Variants in CUBN observed in about 807,000 individuals in gnomAD.
CUBN encodes the protein 460 kDa receptor.
Under a neutral mutation model 405.3 loss-of-function variants are expected in CUBN, and 282 were observed. That is an observed-to-expected ratio of 0.70 (90% CI 0.63 to 0.77). The LOEUF (loss-of-function observed/expected upper bound fraction) is 0.77, where lower values mean the gene tolerates loss of function less well. CUBN is among the 30% of genes least tolerant of loss of function. The pLI is 0.00. For missense variants in CUBN, 4,514 were observed against 4,475.2 expected (o/e 1.01, Z -0.25); for synonymous variants, 1,684 against 1,617.0 (o/e 1.04, Z -0.99).
chr10:16,831,100 T>A (rs957200638), intron 65 of CUBN, 152 bp downstream of exon 65: 5 of 713,200 alleles, frequency 7.0e-6, no homozygotes, highest in Non-Finnish European at 7.1e-6. Flanking sequence ...AAAAAAAAAG[T>A]AATCTGTACT....
chr10:17,030,423 T>C (rs1280665722), intron 27 of CUBN, among the ~76,000 whole-genome samples: 1 of 152,146 alleles, frequency 6.6e-6, no homozygotes, highest in African/African-American at 2.4e-5. Flanking sequence ...ATAGATAATA[T>C]GTATTAGCAC....
At chr10:17,115,660 A>C in intron 6 of CUBN, 63 bp from the exon 7 acceptor site, 1 of 1,556,872 alleles carries the variant, frequency 6.4e-7, no homozygotes, top group Middle Eastern at 1.7e-4. Flanking sequence ...CTGTCTCTTA[A>C]TATCAATGAG....
chr10:17,018,716 CCATTTTACAGAGCACTGATTCATA>C (rs949354677), intron 28 of CUBN, among the ~76,000 whole-genome samples: 5 of 152,056 alleles, frequency 3.3e-5, no homozygotes, highest in Non-Finnish European at 5.9e-5. Context: ...ACTGATTGGT[CCATTTTACAGAGCACTGATTCATA>C]CATTTTACAG....
At chr10:16,869,216 A>G (rs1840277457) in intron 59 of CUBN, among the ~76,000 whole-genome samples, 1 of 139,934 alleles carries the variant, frequency 7.1e-6, no homozygotes, top group African/African-American at 2.7e-5. Context: ...CCCAGGCTAG[A>G]GTGCAATGGT....
At chr10:17,021,336 T>C (rs1414347498) in intron 27 of CUBN, among the ~76,000 whole-genome samples, 1 of 152,224 alleles carries the variant, frequency 6.6e-6, no homozygotes, top group Non-Finnish European at 1.5e-5. Flanking sequence ...CTCTCTACTA[T>C]ATCTCTTCAC....
chr10:16,901,529 T>C (rs1288535911), intron 51 of CUBN, 70 bp from the exon 52 acceptor site: 6 of 1,578,540 alleles, frequency 3.8e-6, no homozygotes, highest in Non-Finnish European at 5.2e-6. Context: ...CCAAAGTAAG[T>C]AGTAATCATA....
At chr10:17,109,254 G>A (rs750728238) in intron 10 of CUBN, among the ~76,000 whole-genome samples, 21 of 152,080 alleles carry the variant, frequency 1.4e-4, no homozygotes, top group Admixed American at 2.6e-4. Context: ...GCTGGACTCA[G>A]GATGCCTGAA....
chr10:17,099,656 C>G (rs1307676397), intron 14 of CUBN, among the ~76,000 whole-genome samples: 1 of 152,084 alleles, frequency 6.6e-6, no homozygotes, highest in Non-Finnish European at 1.5e-5. Flanking sequence ...TGAGACCAGC[C>G]TGGGCAACAT....
intron 26 of CUBN, 78 bp downstream of exon 26, chr10:17,043,749 A>AGTATTCACACTTACTCTGCTG: frequency 1.3e-6 from 2 of 1,586,592 alleles, no homozygotes; most frequent in Non-Finnish European, 8.6e-7. Context: ...TTACTCTGCC[A>AGTATTCACACTTACTCTGCTG]GTATTCACAC....
intron 10 of CUBN, among the ~76,000 whole-genome samples, chr10:17,108,322 A>C (rs1027925764): frequency 6.6e-6 from 1 of 152,130 alleles, no homozygotes; most frequent in Non-Finnish European, 1.5e-5. Flanking sequence ...TCTAGAAATC[A>C]TGCTCCTAAC....
chr10:16,994,510 A>G (rs1396352597), intron 28 of CUBN, among the ~76,000 whole-genome samples: 1 of 152,204 alleles, frequency 6.6e-6, no homozygotes, highest in African/African-American at 2.4e-5. Flanking sequence ...GCGACTCTGG[A>G]TGCATGACAA....
chr10:17,085,827 T>G, intron 15 of CUBN, 68 bp from the exon 16 acceptor site: 1 of 1,360,282 alleles, frequency 7.4e-7, no homozygotes. Context: ...TCACTTTGGA[T>G]ATTAACTTCA....
chr10:16,867,605 G>A (rs189698764), intron 59 of CUBN, among the ~76,000 whole-genome samples: 1 of 152,302 alleles, frequency 6.6e-6, no homozygotes, highest in Non-Finnish European at 1.5e-5. Flanking sequence ...ATGAAAAAGA[G>A]GTAAAAATCA....
At chr10:16,969,287 T>C (rs1412114470) in intron 31 of CUBN, among the ~76,000 whole-genome samples, 1 of 152,138 alleles carries the variant, frequency 6.6e-6, no homozygotes, top group Middle Eastern at 3.2e-3. Context: ...ATCAAAAACA[T>C]TGGTGCTTTG....
At chr10:17,067,470 C>G (rs960411616) in intron 21 of CUBN, among the ~76,000 whole-genome samples, 5 of 151,938 alleles carry the variant, frequency 3.3e-5, no homozygotes, top group African/African-American at 1.2e-4. Flanking sequence ...GTAAAACACA[C>G]AGAGAACAGA....
At chr10:16,844,176 G>A (rs1360998629) in intron 60 of CUBN, among the ~76,000 whole-genome samples, 1 of 151,922 alleles carries the variant, frequency 6.6e-6, no homozygotes, top group Non-Finnish European at 1.5e-5. Context: ...GGCTGAGGCA[G>A]GAGAATTGCT....
chr10:16,969,413 G>C (rs992058953), intron 31 of CUBN, among the ~76,000 whole-genome samples: 1 of 151,448 alleles, frequency 6.6e-6, no homozygotes, highest in African/African-American at 2.4e-5. Context: ...GGAGTGCAGT[G>C]GCACGATCTC....
At chr10:16,848,431 G>A (rs1483812763) in intron 60 of CUBN, among the ~76,000 whole-genome samples, 1 of 152,184 alleles carries the variant, frequency 6.6e-6, no homozygotes, top group Non-Finnish European at 1.5e-5. Context: ...GTCAGGCACA[G>A]TGCTAAACGC....
intron 50 of CUBN, 44 bp downstream of exon 50, chr10:16,906,159 A>G: frequency 7.1e-7 from 1 of 1,404,992 alleles, no homozygotes; most frequent in South Asian, 1.2e-5. Context: ...GATAAAAAGA[A>G]TATTGTAGAT....
Sources: allele counts gnomAD v4.1 joint callset (sites outside exome capture counted in the v4.1 genomes callset), GRCh38; gene constraint gnomAD v4.1.1; transcripts MANE v1.5; gene names NCBI Gene and HGNC (gene_info 2026-07-23, HGNC 2026-07-21).